IKBIP: variants seen among roughly 807,000 people sequenced by gnomAD.
IKBIP encodes IKBKB interacting protein.
A neutral mutation model predicts 31.0 loss-of-function variants in IKBIP; 28 were observed. The observed-to-expected ratio is 0.90, with a 90% CI of 0.67 to 1.24. The LOEUF (loss-of-function observed/expected upper bound fraction) is 1.24. Among genes scored for constraint, IKBIP ranks in the 50% most tolerant of loss-of-function variants. IKBIP has a pLI of 0.00. For missense variants in IKBIP, 453 were observed against 441.9 expected (o/e 1.03, Z -0.23); for synonymous variants, 164 against 160.3 (o/e 1.02, Z -0.17).
chr12:98,626,187 T>C lies in IKBIP; in HGVS notation c.877A>G (p.Thr293Ala), dbSNP rs770078245. 3.7e-6 allele frequency: 6 copies of C among 1,613,894 alleles called. No individual in the cohort carries two copies. The African/African-American group carries it at 8.0e-5, about 22-fold the overall frequency. The change falls in exon 3 of 3, where the codon ACA (threonine) becomes GCA (alanine). Residue 293 changes from threonine (T) to alanine (A), a missense_variant. Transcript: ENST00000299157. ...VLRVSQDLIE[T>A]EKKMEDLTMQ... ...GTCAAGTCTTCCATTTTCTTTTCTGTTTCTATCAGATCCTGAGAGACTCTG... is the reference window on the plus strand; with the variant it reads ...GTCAAGTCTTCCATTTTCTTTTCTGCTTCTATCAGATCCTGAGAGACTCTG...
In IKBIP at chr12:98,613,838, CTG is replaced by C. The variant is rs762389884; in HGVS notation, c.798_799del (p.Asp266GlufsTer13). ...AGTCACTGTCTTCAGAACTTTGGCT[CTG>C]TCACCTTCTAAGCTTAGAAATCTAT... On this transcript the variant is annotated frameshift_variant, in exon 3 of 3. Transcript: ENST00000342502. LOFTEE classifies it high-confidence loss of function. 31 of 1,611,484 alleles carry C rather than the reference CTG, an allele frequency of 1.9e-5. No homozygotes were observed. The highest frequency in any genetic ancestry group is 1.7e-4 in the Middle Eastern group (1 of 6,060).
chr12:98,639,809 G>A (rs1278498461), intron 1 of IKBIP, among the ~76,000 whole-genome samples: 1 of 152,176 alleles, frequency 6.6e-6, no homozygotes, highest in Non-Finnish European at 1.5e-5. Context: ...AAGGAAAGAA[G>A]TTCCAGGGCC....
downstream of IKBIP, among the ~76,000 whole-genome samples, chr12:98,619,662 C>T (rs891265138): frequency 1.3e-5 from 2 of 151,926 alleles, no homozygotes; most frequent in African/African-American, 4.8e-5. Flanking sequence ...CCCGTAATCC[C>T]AGCACTTTGT....
chr12:98,638,431 G>A lies in IKBIP; in HGVS notation c.180-4018C>T, dbSNP rs1270494163. On this transcript the variant is annotated intron_variant, in intron 1 of 2. Transcript: ENST00000299157. Reference sequence around the variant, plus strand: ...TGAGTAGCTGGGAACACAGGCGTGTGCCATAATGCCTGGCTAATTTTTTAT... The same window carrying A: ...TGAGTAGCTGGGAACACAGGCGTGTACCATAATGCCTGGCTAATTTTTTAT... Among the ~76,000 whole-genome samples the A allele has an allele frequency of 3.3e-5, 5 of 152,102 alleles. No individual in the cohort carries two copies. The East Asian group carries it at 9.6e-4, about 29-fold the overall frequency.
intron 1 of IKBIP, among the ~76,000 whole-genome samples, chr12:98,643,319 T>G (rs1362951488): frequency 1.3e-5 from 2 of 152,204 alleles, no homozygotes; most frequent in African/African-American, 4.8e-5. Flanking sequence ...TAATTCCATA[T>G]GTAGTAGCAT....
chr12:98,617,775 T>C (rs979384078), intron 2 of IKBIP, among the ~76,000 whole-genome samples: 4 of 152,352 alleles, frequency 2.6e-5, no homozygotes, highest in Non-Finnish European at 4.4e-5. Context: ...CTAATGCGTA[T>C]GCCCAAAGAC....
At chr12:98,620,418 G>A (rs966738485), downstream of IKBIP, among the ~76,000 whole-genome samples, 4 of 151,558 alleles carry the variant, frequency 2.6e-5, no homozygotes, top group East Asian at 7.8e-4. Flanking sequence ...CCAGGCTGGA[G>A]TGTAGTGGCG....
downstream of IKBIP, among the ~76,000 whole-genome samples, chr12:98,622,283 T>C (rs1028626335): frequency 1.3e-5 from 2 of 152,122 alleles, no homozygotes; most frequent in Non-Finnish European, 2.9e-5. Flanking sequence ...CCCAGCACTT[T>C]GGGAAGACCA....
intron 2 of IKBIP, among the ~76,000 whole-genome samples, chr12:98,615,131 C>T (rs559509134): frequency 3.3e-5 from 5 of 152,200 alleles, no homozygotes; most frequent in Admixed American, 2.0e-4. Flanking sequence ...TACATATCTA[C>T]GCACATATTG....
At chr12:98,633,629 G>A (rs1008826656) in intron 2 of IKBIP, among the ~76,000 whole-genome samples, 3 of 139,854 alleles carry the variant, frequency 2.1e-5, no homozygotes, top group African/African-American at 8.1e-5. Context: ...AGATTCTTCT[G>A]TCTCAGCCCC....
chr12:98,644,536 G>A lies in IKBIP; in HGVS notation c.166C>T (p.Leu56=). The change falls in exon 1 of 3, where the codon CTG becomes TTG. Residue 56 remains leucine (L), a synonymous_variant. Transcript: ENST00000299157. ...CLSLLSLGTC[L]GLAWFVFQQS... ...GCGTCCACTTACCAGGCCAGGCCCAGGCACGTCCCCAGCGACAGCAGGCTC... is the reference window on the plus strand; with the variant it reads ...GCGTCCACTTACCAGGCCAGGCCCAAGCACGTCCCCAGCGACAGCAGGCTC... 2 of 1,602,722 alleles carry A rather than the reference G, an allele frequency of 1.2e-6. No individual in the cohort carries two copies. Among genetic ancestry groups the A allele is most frequent in the Non-Finnish European group, 1.7e-6 (2 of 1,175,588 alleles).
At chr12:98,636,294 G>A (rs148690551) in intron 1 of IKBIP, among the ~76,000 whole-genome samples, 1 of 152,350 alleles carries the variant, frequency 6.6e-6, no homozygotes, top group African/African-American at 2.4e-5. Context: ...TGGCTTGGAT[G>A]TTGGAAACTC....
intron 1 of IKBIP, 44 bp from the exon 2 acceptor site, chr12:98,634,457 T>C (rs576238186): frequency 2.1e-6 from 2 of 968,480 alleles, no homozygotes; most frequent in East Asian, 2.4e-5. Context: ...TTCATATCCA[T>C]TTAAATCCGA....
Position 98,626,537 on chromosome 12 carries a change from T to A in IKBIP, c.527A>T (p.Glu176Val). ...MNINTDIFKS[E>V]AKHIHSQVTV... ...TACTTGAGAATGTATATGTTTTGCT[T>A]CTGATTTGAAAATGTCTGTATTAAT... Residue 176 changes from glutamate (E) to valine (V), a missense_variant, in exon 3 of 3, where the codon GAA becomes GTA. Glu to Val is a moderately radical substitution (Grantham distance 121). Transcript: ENST00000299157. 6.2e-7 allele frequency: 1 copy of A among 1,613,088 alleles called. No individual in the cohort carries two copies. Among genetic ancestry groups the A allele is most frequent in the Non-Finnish European group, 8.5e-7 (1 of 1,179,520 alleles).
chr12:98,629,248 A>T (rs1480941304), intron 2 of IKBIP, among the ~76,000 whole-genome samples: 1 of 152,188 alleles, frequency 6.6e-6, no homozygotes, highest in Non-Finnish European at 1.5e-5. Flanking sequence ...GTTGTTTAAA[A>T]TTTATTTTAA....
At chr12:98,643,815 TTC>T (rs2097633853) in intron 1 of IKBIP, among the ~76,000 whole-genome samples, 2 of 120,914 alleles carry the variant, frequency 1.7e-5, no homozygotes, top group African/African-American at 3.0e-5. Context: ...TGATATGGTT[TTC>T]TTTTTTTTTT....
chr12:98,630,068 G>A (rs4564386), intron 2 of IKBIP, among the ~76,000 whole-genome samples: 28,139 of 151,772 alleles, frequency 0.19, 2,790 homozygotes, highest in Non-Finnish European at 0.2. Context: ...CCACCACACC[G>A]GGTCTCATTT....
intron 1 of IKBIP, among the ~76,000 whole-genome samples, chr12:98,636,919 GA>G (rs112878741): frequency 0.044 from 6,283 of 144,390 alleles, 218 homozygotes; most frequent in East Asian, 0.13. Flanking sequence ...TGCCAGGGGG[GA>G]AAAAAAAAAA....
Position 98,629,954 on chromosome 12 carries a change from G to A in IKBIP, c.298-3188C>T, listed in dbSNP as rs149078931. Among the ~76,000 whole-genome samples the A allele has an allele frequency of 1.1e-4, 17 of 152,084 alleles. No homozygotes were observed. In the East Asian group the frequency reaches 3.3e-3, roughly 29 times the overall value. ...TTTATTTACTAAAAAAATTTTTTTT[G>A]TAGAGATGGGGTCTCACCATGTTGC... On this transcript the variant is annotated intron_variant, in intron 2 of 2. Transcript: ENST00000299157.
Sources: allele counts gnomAD v4.1 joint callset (sites outside exome capture counted in the v4.1 genomes callset), GRCh38; gene constraint gnomAD v4.1.1; transcripts MANE v1.5; gene names NCBI Gene and HGNC (gene_info 2026-07-23, HGNC 2026-07-21).